Variants in GRID1 observed in about 807,000 individuals in gnomAD.
The protein encoded by GRID1 is glutamate ionotropic receptor delta type subunit 1.
A neutral mutation model predicts 98.0 loss-of-function variants in GRID1; 28 were observed. The ratio of observed to expected loss-of-function variants is 0.29; its 90% CI spans 0.21 to 0.39. The LOEUF is 0.39. Ranked by LOEUF, GRID1 falls within the 10% of genes least tolerant of loss-of-function variation. The probability of loss-of-function intolerance (pLI) is 1.00; values close to 1 mark genes in which losing one functional copy is unlikely to be tolerated. For synonymous variants in GRID1, 553 were observed against 538.5 expected, an observed-to-expected ratio of 1.03 and a Z score of -0.37; for missense variants, 1,111 against 1,340.5, an observed-to-expected ratio of 0.83 and a Z score of 2.67.
At chr10:85,838,329 A>T (rs1842929830) in intron 8 of GRID1, among the ~76,000 whole-genome samples, 1 of 152,134 alleles carries the variant, frequency 6.6e-6, no homozygotes, top group African/African-American at 2.4e-5. Context: ...CAGATAGTTC[A>T]CAAGAAGATC....
intron 3 of GRID1, among the ~76,000 whole-genome samples, chr10:86,179,552 C>T (rs1248553919): frequency 6.6e-6 from 1 of 152,206 alleles, no homozygotes; most frequent in Non-Finnish European, 1.5e-5. Flanking sequence ...CCACAGAGAA[C>T]TGCATTTCAT....
chr10:86,030,249 C>T (rs1055056290), intron 4 of GRID1, among the ~76,000 whole-genome samples: 13 of 152,056 alleles, frequency 8.5e-5, no homozygotes, highest in East Asian at 3.9e-4. Flanking sequence ...CTAAAGAGAA[C>T]GGTTGGTTTA....
At chr10:85,968,169 T>A (rs1842360852) in intron 4 of GRID1, among the ~76,000 whole-genome samples, 1 of 152,164 alleles carries the variant, frequency 6.6e-6, no homozygotes. Flanking sequence ...GACAACTGCC[T>A]GCCAGGTGCA....
At chr10:85,826,975 C>T (rs749359513) in intron 8 of GRID1, among the ~76,000 whole-genome samples, 1 of 152,174 alleles carries the variant, frequency 6.6e-6, no homozygotes, top group Non-Finnish European at 1.5e-5. Flanking sequence ...CAAAAAATCT[C>T]ATTCAAAGGA....
intron 4 of GRID1, among the ~76,000 whole-genome samples, chr10:86,130,797 A>T (rs1481114809): frequency 2.0e-5 from 3 of 152,230 alleles, no homozygotes; most frequent in African/African-American, 7.2e-5. Context: ...CGCTTAAGCC[A>T]TCTGCAGATG....
intron 8 of GRID1, among the ~76,000 whole-genome samples, chr10:85,737,645 G>GCT (rs371270240): frequency 2.1e-5 from 2 of 95,688 alleles, no homozygotes; most frequent in African/African-American, 8.0e-5. Flanking sequence ...AGTAAAGCCA[G>GCT]ATATATATAT....
At chr10:86,233,422 C>G (rs1410537434) in intron 2 of GRID1, among the ~76,000 whole-genome samples, 1 of 152,110 alleles carries the variant, frequency 6.6e-6, no homozygotes, top group African/African-American at 2.4e-5. Context: ...TATTAGTGTC[C>G]CAGCCAGGCC....
At chr10:86,245,656 C>T (rs1564717468) in intron 2 of GRID1, among the ~76,000 whole-genome samples, 1 of 152,236 alleles carries the variant, frequency 6.6e-6, no homozygotes, top group Non-Finnish European at 1.5e-5. Context: ...AGTGCTGTCC[C>T]CAAGTGGTGA....
chr10:86,114,343 C>G (rs1844539419), intron 4 of GRID1, among the ~76,000 whole-genome samples: 1 of 152,106 alleles, frequency 6.6e-6, no homozygotes, highest in African/African-American at 2.4e-5. Context: ...GGGGAGTGGA[C>G]AGGGAAGGCA....
chr10:86,136,681 T>C (rs1402422507), intron 4 of GRID1, among the ~76,000 whole-genome samples: 2 of 152,222 alleles, frequency 1.3e-5, no homozygotes, highest in African/African-American at 2.4e-5. Flanking sequence ...TCAAGACTCT[T>C]ATCATCGGCG....
intron 8 of GRID1, among the ~76,000 whole-genome samples, chr10:85,844,572 G>C (rs1842989320): frequency 6.6e-6 from 1 of 151,778 alleles, no homozygotes; most frequent in Non-Finnish European, 1.5e-5. Context: ...GTTATCATTG[G>C]GGAAACTAAA....
chr10:86,318,110 C>T (rs955533068), intron 2 of GRID1, among the ~76,000 whole-genome samples: 1 of 152,164 alleles, frequency 6.6e-6, no homozygotes, highest in Non-Finnish European at 1.5e-5. Flanking sequence ...GGCCCAGGTG[C>T]TTGGGGAGCC....
Position 86,215,670 on chromosome 10 carries a change from C to T in GRID1, c.236-9022G>A, listed in dbSNP as rs570979926. 3.3e-5 allele frequency among the ~76,000 whole-genome samples: 5 copies of T among 152,292 alleles called. No individual in the cohort carries two copies. In the South Asian group the frequency reaches 1.0e-3, roughly 32 times the overall value. On this transcript the variant is annotated intron_variant, in intron 2 of 15. Transcript: ENST00000327946. ...GCACTCCCAGGAACCCAAGCCCAGA[C>T]AGCTCCTCCTGGGCTCCTCCTCAGC...
intron 4 of GRID1, among the ~76,000 whole-genome samples, chr10:86,116,769 C>T (rs777338235): frequency 2.0e-5 from 3 of 152,074 alleles, no homozygotes; most frequent in Non-Finnish European, 4.4e-5. Context: ...TGGCCAGGGG[C>T]TAAGGCTCAC....
intron 13 of GRID1, among the ~76,000 whole-genome samples, chr10:85,628,733 C>A (rs1262726056): frequency 6.6e-6 from 1 of 152,138 alleles, no homozygotes; most frequent in Non-Finnish European, 1.5e-5. Context: ...CAGGCTCAGT[C>A]GGGGGACAAG....
chr10:85,983,234 TG>T (rs1303096381), intron 4 of GRID1, among the ~76,000 whole-genome samples: 2 of 152,200 alleles, frequency 1.3e-5, no homozygotes, highest in Middle Eastern at 3.2e-3. Flanking sequence ...ATGGAGTCTC[TG>T]TCACACGTGC....
At chr10:85,755,045 T>C (rs1842083461) in intron 8 of GRID1, among the ~76,000 whole-genome samples, 1 of 152,200 alleles carries the variant, frequency 6.6e-6, no homozygotes, top group Non-Finnish European at 1.5e-5. Flanking sequence ...AGCCCGATCA[T>C]GAGCCTGTGG....
Position 85,599,563 on chromosome 10 carries a change from A to G in GRID1, c.*2710T>C, listed in dbSNP as rs1483597772. On this transcript the variant is annotated 3_prime_UTR_variant, in exon 16 of 16. Coordinates refer to ENST00000327946, the MANE Select transcript of GRID1 (RefSeq NM_017551.3). ...GAGCAAAGACAAGATTTATTATTAA[A>G]CAACTTTAATCCAAATGCTGATTAT... 1.3e-5 allele frequency: 2 copies of G among 152,408 alleles called. No individual in the cohort carries two copies. The highest frequency in any genetic ancestry group is 4.8e-5 in the African/African-American group (2 of 41,328). The allele number at this position is 152,408 out of a possible 1,614,324, so 9.4% of individuals were successfully genotyped here. A position where few individuals can be genotyped will look rare whatever the true frequency, so the allele number is the denominator to read the frequency against.
chr10:85,751,635 A>G lies in GRID1; in HGVS notation c.1234-22021T>C, dbSNP rs148506696. On this transcript the variant is annotated intron_variant, in intron 8 of 15. Coordinates refer to ENST00000327946, the MANE Select transcript of GRID1 (RefSeq NM_017551.3). Reference sequence around the variant, plus strand: ...AGGTAAAAGGTGGGGAATGAAAACTATATTATTTAAAAAAGAAAAACATAT... The same window carrying G: ...AGGTAAAAGGTGGGGAATGAAAACTGTATTATTTAAAAAAGAAAAACATAT... 4.3e-3 allele frequency among the ~76,000 whole-genome samples: 657 copies of G among 152,278 alleles called. 4 individuals carry two copies. Among genetic ancestry groups the G allele is most frequent in the African/African-American group, 0.015 (634 of 41,558 alleles).
Sources: gnomAD v4.1 joint callset for allele counts (sites outside exome capture counted in the v4.1 genomes callset) on GRCh38, gnomAD v4.1.1 for gene constraint, MANE v1.5 for transcripts, NCBI Gene and HGNC (gene_info 2026-07-23, HGNC 2026-07-21) for gene names.